TSNARE1: variants seen among roughly 807,000 people sequenced by gnomAD.
The protein encoded by TSNARE1 is t-SNARE domain-containing protein 1.
In TSNARE1, 49 loss-of-function variants were observed where a neutral mutation model predicts 62.0. The observed-to-expected ratio is 0.79, with a 90% CI of 0.63 to 1.00. The LOEUF (loss-of-function observed/expected upper bound fraction) is 1.00, where lower values mean the gene tolerates loss of function less well. TSNARE1 is among the 50% of genes least tolerant of loss of function. TSNARE1 has a pLI of 0.00. For missense variants in TSNARE1, 755 were observed against 700.1 expected (o/e 1.08, Z -0.88); for synonymous variants, 328 against 294.4 (o/e 1.11, Z -1.17).
intron 12 of TSNARE1, among the ~76,000 whole-genome samples, chr8:142,257,572 C>A (rs77911673): frequency 1.3e-5 from 2 of 152,300 alleles, no homozygotes; most frequent in East Asian, 3.9e-4. Context: ...CTGGGCAGCT[C>A]CCCTGCCGCT....
At chr8:142,318,136 A>G (rs1007488430) in intron 7 of TSNARE1, among the ~76,000 whole-genome samples, 2 of 152,032 alleles carry the variant, frequency 1.3e-5, no homozygotes, top group South Asian at 4.1e-4. Context: ...GGGGATAGGG[A>G]GGGTGCACGT....
intron 12 of TSNARE1, among the ~76,000 whole-genome samples, chr8:142,244,164 C>A (rs1373458876): frequency 1.3e-5 from 2 of 152,092 alleles, no homozygotes; most frequent in Non-Finnish European, 2.9e-5. Flanking sequence ...CTAGCCTGGG[C>A]GACAGAGCGA....
intron 9 of TSNARE1, among the ~76,000 whole-genome samples, chr8:142,304,307 G>A (rs114261892): frequency 0.018 from 2,643 of 149,280 alleles, 77 homozygotes; most frequent in African/African-American, 0.065. Flanking sequence ...CCAGCCCCTA[G>A]GCTTCCGGGG....
chr8:142,277,707 C>T (rs957945856), intron 11 of TSNARE1: 20 of 985,322 alleles, frequency 2.0e-5, no homozygotes, highest in African/African-American at 3.5e-5. Flanking sequence ...CAAAGACTCC[C>T]GTGCTGCAGG....
At chr8:142,228,785 A>T (rs1399576367) in intron 13 of TSNARE1, among the ~76,000 whole-genome samples, 1 of 152,250 alleles carries the variant, frequency 6.6e-6, no homozygotes, top group East Asian at 1.9e-4. Flanking sequence ...GAATGAATGG[A>T]TGCAAGGAAG....
At chr8:142,372,088 T>A (rs554733295) in intron 1 of TSNARE1, among the ~76,000 whole-genome samples, 1 of 152,322 alleles carries the variant, frequency 6.6e-6, no homozygotes, top group South Asian at 2.1e-4. Context: ...TGGTGGATTC[T>A]GAATTCTGCT....
chr8:142,354,643 G>C lies in TSNARE1; in HGVS notation c.82C>G (p.Pro28Ala), dbSNP rs1244380825. 2 of 1,611,934 alleles carry C rather than the reference G, an allele frequency of 1.2e-6. No homozygotes were observed. Among genetic ancestry groups the C allele is most frequent in the Non-Finnish European group, 1.7e-6 (2 of 1,178,858 alleles). Residue 28 changes from proline to alanine, a missense_variant, in exon 2 of 14, where the codon CCC becomes GCC. By Grantham distance (27) the Pro-to-Ala change is conservative. Coordinates refer to ENST00000524325, the MANE Select transcript of TSNARE1 (RefSeq NM_145003.5). The stretch of plus-strand genomic sequence containing the variant: ...TTCCAGCTACTATCATTACCTAGGG[G>C]CTGACAGCCTTGTCTCGAAGGTCCC... ...FGGPSRQGCQ[P>A]LECARCWTEY... is the part of the protein sequence containing the mutation.
chr8:142,381,855 G>A (rs951485529), intron 1 of TSNARE1, among the ~76,000 whole-genome samples: 4 of 152,190 alleles, frequency 2.6e-5, no homozygotes, highest in Admixed American at 6.5e-5. Context: ...ATTGGGAACA[G>A]GCAGCGCCCG....
intron 4 of TSNARE1, among the ~76,000 whole-genome samples, chr8:142,333,241 G>A (rs1036990177): frequency 1.3e-5 from 2 of 152,176 alleles, no homozygotes; most frequent in Non-Finnish European, 2.9e-5. Flanking sequence ...AAAGTGAACG[G>A]CAAGTAAAGC....
intron 1 of TSNARE1, 53 bp from the exon 2 acceptor site, chr8:142,354,816 G>A (rs1834584967): frequency 1.8e-6 from 2 of 1,114,474 alleles, no homozygotes; most frequent in South Asian, 1.3e-5. Context: ...GGGGATTAAA[G>A]CTCCAATTCA....
intron 12 of TSNARE1, among the ~76,000 whole-genome samples, chr8:142,248,044 G>A (rs1261356089): frequency 1.3e-5 from 2 of 152,216 alleles, no homozygotes; most frequent in East Asian, 3.9e-4. Context: ...TGTTACCACC[G>A]TGACGGTATC....
At chr8:142,252,864 A>T (rs1002168086) in intron 12 of TSNARE1, among the ~76,000 whole-genome samples, 3 of 152,062 alleles carry the variant, frequency 2.0e-5, no homozygotes, top group Non-Finnish European at 4.4e-5. Flanking sequence ...CCTCTGCACA[A>T]TGGGACACTG....
chr8:142,333,207 AG>A (rs1198996920), intron 4 of TSNARE1, among the ~76,000 whole-genome samples: 1 of 152,186 alleles, frequency 6.6e-6, no homozygotes, highest in African/African-American at 2.4e-5. Flanking sequence ...GGAGCTGTGC[AG>A]TTCACTGTAC....
At chr8:142,277,721 G>A (rs1485463797) in intron 11 of TSNARE1, 4 of 985,336 alleles carry the variant, frequency 4.1e-6, no homozygotes, top group Non-Finnish European at 4.8e-6. Flanking sequence ...CTGCAGGGGA[G>A]CCCAGCGGCC....
chr8:142,381,960 C>T (rs923630612), intron 1 of TSNARE1, among the ~76,000 whole-genome samples: 9 of 152,156 alleles, frequency 5.9e-5, no homozygotes, highest in Non-Finnish European at 1.3e-4. Flanking sequence ...GTCCTCCCCT[C>T]GGTGAGCAGG....
At chr8:142,263,715 T>A (rs557010324) in intron 12 of TSNARE1, among the ~76,000 whole-genome samples, 38 of 152,352 alleles carry the variant, frequency 2.5e-4, no homozygotes, top group Admixed American at 7.8e-4. Flanking sequence ...GTTGGCAAAG[T>A]GGACTTTTCT....
chr8:142,402,234 G>A (rs1838345792), intron 1 of TSNARE1, among the ~76,000 whole-genome samples: 1 of 151,862 alleles, frequency 6.6e-6, no homozygotes, highest in Non-Finnish European at 1.5e-5. Context: ...CAGCACGCGC[G>A]AGGCCCATTT....
intron 9 of TSNARE1, among the ~76,000 whole-genome samples, chr8:142,305,968 G>A (rs1011230875): frequency 3.3e-5 from 5 of 152,150 alleles, no homozygotes; most frequent in South Asian, 2.1e-4. Context: ...CGAGGCCGGC[G>A]CTCAGGGCTC....
chr8:142,351,780 A>G (rs991922992), intron 2 of TSNARE1, among the ~76,000 whole-genome samples: 1 of 152,244 alleles, frequency 6.6e-6, no homozygotes, highest in African/African-American at 2.4e-5. Context: ...ATCCACATGA[A>G]AACTTTATCA....
Sources: gnomAD v4.1 joint callset for allele counts (sites outside exome capture counted in the v4.1 genomes callset) on GRCh38, gnomAD v4.1.1 for gene constraint, MANE v1.5 for transcripts, NCBI Gene and HGNC (gene_info 2026-07-23, HGNC 2026-07-21) for gene names.